STXBP6: variants seen among roughly 807,000 people sequenced by gnomAD.
STXBP6 encodes the protein syntaxin binding protein 6.
A neutral mutation model predicts 26.9 loss-of-function variants in STXBP6; 21 were observed. That is an observed-to-expected ratio of 0.78 (90% confidence interval 0.55 to 1.12). The LOEUF (loss-of-function observed/expected upper bound fraction) is 1.12. STXBP6 is among the 50% of genes most tolerant of loss of function. STXBP6 has a pLI of 0.00. For synonymous variants in STXBP6, 97 were observed against 92.6 expected, an observed-to-expected ratio of 1.05 and a Z score of -0.27; for missense variants, 232 against 257.9, an observed-to-expected ratio of 0.90 and a Z score of 0.69.
At chr14:24,938,860 C>G (rs927589982) in intron 2 of STXBP6, among the ~76,000 whole-genome samples, 5 of 152,126 alleles carry the variant, frequency 3.3e-5, no homozygotes, top group Admixed American at 3.3e-4. Context: ...AGGCACTTAA[C>G]ATGTATTCAA....
chr14:24,868,364 T>C (rs1458879025), intron 2 of STXBP6, among the ~76,000 whole-genome samples: 10 of 152,226 alleles, frequency 6.6e-5, no homozygotes, highest in Admixed American at 5.2e-4. Flanking sequence ...TACTAGTCAT[T>C]AGGGAGAAGC....
intron 1 of STXBP6, among the ~76,000 whole-genome samples, chr14:24,993,448 T>C (rs931644848): frequency 1.3e-5 from 2 of 152,186 alleles, no homozygotes; most frequent in Non-Finnish European, 2.9e-5. Context: ...TTTCTTGCCA[T>C]TGCTCTAAAT....
intron 1 of STXBP6, among the ~76,000 whole-genome samples, chr14:25,041,521 C>T (rs990297418): frequency 6.6e-6 from 1 of 152,128 alleles, no homozygotes; most frequent in African/African-American, 2.4e-5. Context: ...TTCTTAACCA[C>T]CAGTTACTGC....
At chr14:24,993,797 C>T (rs140897438) in intron 1 of STXBP6, among the ~76,000 whole-genome samples, 285 of 152,268 alleles carry the variant, frequency 1.9e-3, no homozygotes, top group African/African-American at 5.9e-3. Context: ...TTTAAGTACT[C>T]TGTGTACCAG....
chr14:24,860,250 A>T (rs1395754276), intron 2 of STXBP6, among the ~76,000 whole-genome samples: 1 of 152,182 alleles, frequency 6.6e-6, no homozygotes, highest in Non-Finnish European at 1.5e-5. Flanking sequence ...CAATCAGAGA[A>T]TTCTATTTAA....
chr14:24,883,766 A>G (rs998815272), intron 2 of STXBP6, among the ~76,000 whole-genome samples: 14 of 152,196 alleles, frequency 9.2e-5, no homozygotes, highest in African/African-American at 3.4e-4. Flanking sequence ...CTTACTCACC[A>G]GTTTTTGTTC....
chr14:24,874,743 G>T (rs545676136), intron 2 of STXBP6, among the ~76,000 whole-genome samples: 80 of 152,308 alleles, frequency 5.3e-4, no homozygotes, highest in African/African-American at 1.8e-3. Context: ...TCCATAACAT[G>T]TTTCCTGCTG....
intron 2 of STXBP6, among the ~76,000 whole-genome samples, chr14:24,926,407 T>G (rs1372890162): frequency 6.6e-6 from 1 of 152,144 alleles, no homozygotes; most frequent in Non-Finnish European, 1.5e-5. Flanking sequence ...CTCTGCCATG[T>G]AGAAATGGCA....
intron 1 of STXBP6, among the ~76,000 whole-genome samples, chr14:25,020,476 T>C (rs2075241877): frequency 6.6e-6 from 1 of 152,146 alleles, no homozygotes; most frequent in Admixed American, 6.5e-5. Context: ...ATTCGAACCC[T>C]GACCAAATTC....
At position 24,819,067 on chromosome 14, in the gene STXBP6, G is replaced by A. The variant is rs1388634942; in HGVS notation, c.579C>T (p.Ser193=). 4 of 1,609,798 alleles carry A rather than the reference G, an allele frequency of 2.5e-6. No homozygotes were observed. Among genetic ancestry groups the A allele is most frequent in the Non-Finnish European group, 2.5e-6 (3 of 1,177,252 alleles). Residue 193 remains serine, a synonymous_variant, in exon 5 of 6, where the codon AGC becomes AGT. Transcript: ENST00000323944. ...AEEKTEDLKN[S]AQQFAETAHK... is the part of the protein sequence containing the mutation. ...GCGCAGTTTCTGCAAACTGCTGGGC[G>A]CTGTTCTTCAGGTCTTCTGTCTTCT...
intron 1 of STXBP6, among the ~76,000 whole-genome samples, chr14:24,997,682 C>T (rs1190231312): frequency 1.3e-5 from 2 of 152,116 alleles, no homozygotes; most frequent in African/African-American, 4.8e-5. Flanking sequence ...TACAAAAATG[C>T]ACAAAGTAGA....
intron 2 of STXBP6, among the ~76,000 whole-genome samples, chr14:24,964,725 C>A (rs1230347470): frequency 6.7e-6 from 1 of 149,134 alleles, no homozygotes; most frequent in Non-Finnish European, 1.5e-5. Context: ...GAAACAAGAA[C>A]CTGATCTGGG....
At chr14:24,877,834 C>A (rs1237464297) in intron 2 of STXBP6, among the ~76,000 whole-genome samples, 1 of 152,068 alleles carries the variant, frequency 6.6e-6, no homozygotes, top group Non-Finnish European at 1.5e-5. Flanking sequence ...TAAATATTAC[C>A]ACTGGCCTTC....
intron 1 of STXBP6, among the ~76,000 whole-genome samples, chr14:24,991,226 A>G (rs1465976282): frequency 2.0e-5 from 3 of 152,146 alleles, no homozygotes; most frequent in Non-Finnish European, 4.4e-5. Context: ...ACTTCTGCTC[A>G]TCTAGTCATC....
chr14:25,014,169 C>T (rs929123100), intron 1 of STXBP6, among the ~76,000 whole-genome samples: 1 of 152,156 alleles, frequency 6.6e-6, no homozygotes, highest in Admixed American at 6.5e-5. Flanking sequence ...CTCTTGTACT[C>T]CTGTGTACGT....
At chr14:25,041,670 A>G (rs1168040206) in intron 1 of STXBP6, among the ~76,000 whole-genome samples, 1 of 152,184 alleles carries the variant, frequency 6.6e-6, no homozygotes, top group Non-Finnish European at 1.5e-5. Context: ...TGCAGCACAC[A>G]TATTCACCTG....
intron 2 of STXBP6, among the ~76,000 whole-genome samples, chr14:24,910,070 G>A (rs891925443): frequency 2.0e-5 from 3 of 151,944 alleles, no homozygotes; most frequent in African/African-American, 7.2e-5. Flanking sequence ...CTTGTCCCAG[G>A]TCACCGCACC....
chr14:24,872,188 C>G (rs2069960864), intron 2 of STXBP6, among the ~76,000 whole-genome samples: 1 of 152,092 alleles, frequency 6.6e-6, no homozygotes, highest in Admixed American at 6.5e-5. Flanking sequence ...TAGACACTCT[C>G]TAGTATGAAT....
chr14:24,846,430 T>C (rs551710270), intron 4 of STXBP6, among the ~76,000 whole-genome samples: 1 of 152,304 alleles, frequency 6.6e-6, no homozygotes, highest in South Asian at 2.1e-4. Context: ...CCATCTCAAA[T>C]TCTCCCAAAG....
Sources: gnomAD v4.1 joint callset for allele counts (sites outside exome capture counted in the v4.1 genomes callset) on GRCh38, gnomAD v4.1.1 for gene constraint, MANE v1.5 for transcripts, NCBI Gene and HGNC (gene_info 2026-07-23, HGNC 2026-07-21) for gene names.